Variants in PTPRD observed in about 807,000 individuals in gnomAD.
The protein encoded by PTPRD is receptor-type tyrosine-protein phosphatase delta.
In PTPRD, 34 loss-of-function variants were observed where a neutral mutation model predicts 214.5. That is an observed-to-expected ratio of 0.16 (90% CI 0.12 to 0.21). The LOEUF is 0.21. Ranked by LOEUF, PTPRD falls within the 10% of genes least tolerant of loss-of-function variation. The probability of loss-of-function intolerance (pLI) is 1.00; values close to 1 mark genes in which losing one functional copy is unlikely to be tolerated. For synonymous variants in PTPRD, 1,128 were observed against 845.7 expected, an observed-to-expected ratio of 1.33 and a Z score of -5.79; for missense variants, 2,545 against 2,398.7, an observed-to-expected ratio of 1.06 and a Z score of -1.27.
At chr9:9,823,810 G>C (rs1387904830) in intron 5 of PTPRD, among the ~76,000 whole-genome samples, 3 of 151,954 alleles carry the variant, frequency 2.0e-5, no homozygotes, top group Non-Finnish European at 4.4e-5. Context: ...TAGCACAATA[G>C]GACAGCTATA....
At chr9:9,967,465 G>C (rs532971210) in intron 4 of PTPRD, among the ~76,000 whole-genome samples, 1 of 152,110 alleles carries the variant, frequency 6.6e-6, no homozygotes. Flanking sequence ...GGTTGAGAGA[G>C]GGAAGGAAGA....
At chr9:8,811,181 G>A (rs77985633) in intron 11 of PTPRD, among the ~76,000 whole-genome samples, 68 of 152,208 alleles carry the variant, frequency 4.5e-4, no homozygotes, top group African/African-American at 1.5e-3. Flanking sequence ...ATTAATGGGC[G>A]CAGTCTTGAT....
At chr9:9,360,479 G>C (rs376226992) in intron 9 of PTPRD, among the ~76,000 whole-genome samples, 2 of 151,074 alleles carry the variant, frequency 1.3e-5, no homozygotes, top group African/African-American at 4.8e-5. Context: ...GATTTGATTA[G>C]GCTAAGTTTG....
chr9:10,531,467 A>C (rs1456320042), intron 2 of PTPRD, among the ~76,000 whole-genome samples: 1 of 152,194 alleles, frequency 6.6e-6, no homozygotes, highest in Non-Finnish European at 1.5e-5. Flanking sequence ...TGGGAGCCTA[A>C]TAAAAATGGT....
intron 35 of PTPRD, among the ~76,000 whole-genome samples, chr9:8,426,271 G>GAGAAC (rs2094666441): frequency 6.6e-6 from 1 of 152,146 alleles, no homozygotes; most frequent in South Asian, 2.1e-4. Context: ...GAGAGGTAAA[G>GAGAAC]CAACTGGCTC....
chr9:8,791,087 G>A (rs2096211325), intron 11 of PTPRD, among the ~76,000 whole-genome samples: 1 of 152,198 alleles, frequency 6.6e-6, no homozygotes, highest in South Asian at 2.1e-4. Flanking sequence ...GGCTTCTATG[G>A]AGAGAGTGAA....
intron 3 of PTPRD, among the ~76,000 whole-genome samples, chr9:10,082,840 A>ACACACAC (rs1555566891): frequency 1.6e-4 from 21 of 128,294 alleles, no homozygotes; most frequent in Admixed American, 3.3e-4. Context: ...CACACACACA[A>ACACACAC]ACACACACAC....
chr9:9,897,307 T>C lies in PTPRD; in HGVS notation c.-368+41200A>G, dbSNP rs138282003. ...ACTTACTAATTTGCTATATGAAATC[T>C]ATATACTTTAAACCAAAGAATATAT... On this transcript the variant is annotated intron_variant, in intron 5 of 45. Coordinates refer to ENST00000381196, the MANE Select transcript of PTPRD (RefSeq NM_002839.4). Among the ~76,000 whole-genome samples the C allele has an allele frequency of 3.7e-3, 562 of 152,196 alleles. 1 individual carries two copies. Among genetic ancestry groups the C allele is most frequent in the Non-Finnish European group, 6.1e-3 (416 of 67,962 alleles).
chr9:9,312,272 G>A (rs181620101), intron 9 of PTPRD, among the ~76,000 whole-genome samples: 2 of 152,148 alleles, frequency 1.3e-5, no homozygotes, highest in East Asian at 1.9e-4. Context: ...GAAGCATCTG[G>A]GATTGCAACT....
intron 36 of PTPRD, among the ~76,000 whole-genome samples, chr9:8,393,947 AG>A (rs2090368330): frequency 6.6e-6 from 1 of 152,130 alleles, no homozygotes; most frequent in Non-Finnish European, 1.5e-5. Context: ...TGTTAATGCA[AG>A]CCTGTAAAGC....
At chr9:10,255,897 C>A (rs183234703) in intron 3 of PTPRD, among the ~76,000 whole-genome samples, 50 of 152,258 alleles carry the variant, frequency 3.3e-4, no homozygotes, top group African/African-American at 1.2e-3. Context: ...AACCCCCAGG[C>A]CCGGACTGGT....
chr9:9,221,719 G>A (rs2099956180), intron 9 of PTPRD, among the ~76,000 whole-genome samples: 1 of 151,962 alleles, frequency 6.6e-6, no homozygotes, highest in Non-Finnish European at 1.5e-5. Context: ...TTGGGTGTTG[G>A]GGTTCTAGCA....
At chr9:8,966,224 C>A (rs183565832) in intron 11 of PTPRD, among the ~76,000 whole-genome samples, 1 of 152,126 alleles carries the variant, frequency 6.6e-6, no homozygotes, top group East Asian at 1.9e-4. Context: ...TTTCCAACAT[C>A]ATTTTTCACA....
intron 3 of PTPRD, among the ~76,000 whole-genome samples, chr9:10,107,042 G>A (rs1243621731): frequency 6.6e-6 from 1 of 151,950 alleles, no homozygotes; most frequent in Non-Finnish European, 1.5e-5. Context: ...ATGGGCTTGA[G>A]CCTGGGGAAC....
chr9:9,567,938 G>A (rs1399934256), intron 8 of PTPRD, among the ~76,000 whole-genome samples: 2 of 151,794 alleles, frequency 1.3e-5, no homozygotes, highest in African/African-American at 2.4e-5. Context: ...ATAAAAAGAA[G>A]GCAAAATCCC....
intron 9 of PTPRD, among the ~76,000 whole-genome samples, chr9:9,328,886 C>T (rs1216827673): frequency 6.6e-6 from 1 of 151,828 alleles, no homozygotes; most frequent in Non-Finnish European, 1.5e-5. Flanking sequence ...TACTCACTTG[C>T]TTTGGCCTCC....
At chr9:8,587,684 A>C (rs1176964614) in intron 14 of PTPRD, among the ~76,000 whole-genome samples, 2 of 152,252 alleles carry the variant, frequency 1.3e-5, no homozygotes, top group African/African-American at 2.4e-5. Flanking sequence ...GGTATGAAAT[A>C]TCTGACCTCA....
At chr9:8,840,528 C>T (rs913225781) in intron 11 of PTPRD, among the ~76,000 whole-genome samples, 6 of 152,136 alleles carry the variant, frequency 3.9e-5, no homozygotes, top group African/African-American at 1.2e-4. Context: ...TGAAAGCGGA[C>T]TAATACAATA....
At chr9:9,483,658 T>A (rs756137174) in intron 8 of PTPRD, among the ~76,000 whole-genome samples, 1 of 152,080 alleles carries the variant, frequency 6.6e-6, no homozygotes, top group South Asian at 2.1e-4. Context: ...TAGGTAGCAC[T>A]TGCAGTGAGT....
Sources: allele counts gnomAD v4.1 joint callset (sites outside exome capture counted in the v4.1 genomes callset), GRCh38; gene constraint gnomAD v4.1.1; transcripts MANE v1.5; gene names NCBI Gene and HGNC (gene_info 2026-07-23, HGNC 2026-07-21).